PLA2G6: variants seen among roughly 807,000 people sequenced by gnomAD.
PLA2G6 encodes 85/88 kDa calcium-independent phospholipase A2.
Under a neutral mutation model 83.8 loss-of-function variants are expected in PLA2G6, and 62 were observed. The observed-to-expected ratio is 0.74, with a 90% CI of 0.60 to 0.91. The LOEUF is 0.91. PLA2G6 is among the 40% of genes least tolerant of loss of function. The pLI, the probability that PLA2G6 is intolerant of heterozygous loss-of-function variation, is 0.00. For synonymous variants in PLA2G6, 417 were observed against 449.8 expected, an observed-to-expected ratio of 0.93 and a Z score of 0.92; for missense variants, 944 against 1,102.0, an observed-to-expected ratio of 0.86 and a Z score of 2.03.
Position 38,123,362 on chromosome 22 carries a change from AGACCCAGACG to A in PLA2G6, c.1428-114_1428-105del. The A allele has an allele frequency of 8.0e-7, 1 of 1,251,430 alleles. No homozygotes were observed. The highest frequency in any genetic ancestry group is 1.1e-6 in the Non-Finnish European group (1 of 882,314). 77.5% of individuals were successfully genotyped at this position (1,251,430 alleles called of 1,614,324 possible). ...CCCCTGCAGCTGTGTCCTGGCAGAC[AGACCCAGACG>A]GACCCGAGGAACTTCTGTCCTATGC... On this transcript the variant is annotated intron_variant, in intron 10 of 16. Coordinates refer to ENST00000332509, the MANE Select transcript of PLA2G6 (RefSeq NM_003560.4). The surrounding 1 kb of genome is among the most constrained non-coding windows in gnomAD (Gnocchi z 4.1).
chr22:38,158,973 T>C (rs968686376), intron 2 of PLA2G6, among the ~76,000 whole-genome samples: 1 of 151,172 alleles, frequency 6.6e-6, no homozygotes, highest in African/African-American at 2.4e-5. Context: ...CCGAGGCGGG[T>C]GGATCATCTG....
chr22:38,146,035 G>T, intron 2 of PLA2G6: 1 of 244,560 alleles, frequency 4.1e-6, no homozygotes, highest in Non-Finnish European at 7.8e-6. Flanking sequence ...ACCATGCCCA[G>T]CTAATTTTTT....
chr22:38,126,941 C>A lies in PLA2G6; in HGVS notation c.1349-492G>T, dbSNP rs914748625. 6.5e-5 allele frequency: 64 copies of A among 983,266 alleles called. 1 individual carries two copies. The highest frequency in any genetic ancestry group is 7.7e-5 in the Non-Finnish European group (61 of 791,328). 60.9% of individuals were successfully genotyped at this position (983,266 alleles called of 1,614,324 possible). On this transcript the variant is annotated intron_variant, in intron 9 of 16. Coordinates refer to ENST00000332509, the MANE Select transcript of PLA2G6 (RefSeq NM_003560.4). ...TCAGGACGTTCCTCGGGGTTTAAGTCCATGGATGAAAGGAGACATCCCTCG... is the reference window on the plus strand; with the variant it reads ...TCAGGACGTTCCTCGGGGTTTAAGTACATGGATGAAAGGAGACATCCCTCG...
At chr22:38,162,226 A>G (rs1424570784) in intron 2 of PLA2G6, among the ~76,000 whole-genome samples, 1 of 151,500 alleles carries the variant, frequency 6.6e-6, no homozygotes, top group African/African-American at 2.4e-5. Context: ...AAAAAAAGAA[A>G]AAAAAAAAAA....
chr22:38,124,063 G>C (rs192527769), intron 10 of PLA2G6, among the ~76,000 whole-genome samples: 10 of 152,152 alleles, frequency 6.6e-5, no homozygotes, highest in Admixed American at 6.5e-4. Context: ...TTGAACTCCC[G>C]ACCTCATGTG....
At position 38,181,711 on chromosome 22, in the gene PLA2G6, A is replaced by T. The variant is rs1396702387; in HGVS notation, c.-93T>A. 6.6e-6 allele frequency: 1 copy of T among 152,208 alleles called. No individual in the cohort carries two copies. The highest frequency in any genetic ancestry group is 1.9e-4 in the East Asian group (1 of 5,198). The allele number at this position is 152,208 out of a possible 1,614,324, so 9.4% of individuals were successfully genotyped here. A position where few individuals can be genotyped will look rare whatever the true frequency, so the allele number is the denominator to read the frequency against. ...ATATCCAAAGGAGGGTCCGGCGGAGACTTGGGAGTCCGGAGCGCCGAGGAA... is the reference window on the plus strand; with the variant it reads ...ATATCCAAAGGAGGGTCCGGCGGAGTCTTGGGAGTCCGGAGCGCCGAGGAA... On this transcript the variant is annotated 5_prime_UTR_variant, in exon 1 of 17. Transcript: ENST00000332509.
intron 1 of PLA2G6, among the ~76,000 whole-genome samples, chr22:38,173,072 C>T (rs1470687467): frequency 6.6e-6 from 1 of 152,198 alleles, no homozygotes; most frequent in Non-Finnish European, 1.5e-5. Context: ...TCCTGGAACA[C>T]TCACGGCATT....
chr22:38,143,150 G>A lies in PLA2G6; in HGVS notation c.564C>T (p.Thr188=), dbSNP rs185396488. 1.3e-4 allele frequency: 214 copies of A among 1,614,162 alleles called. No individual in the cohort carries two copies. In the Middle Eastern group the frequency reaches 1.8e-3, roughly 14 times the overall value. Residue 188 remains threonine (T), a synonymous_variant, in exon 4 of 17, where the codon ACC becomes ACT. Coordinates refer to ENST00000332509, the MANE Select transcript of PLA2G6 (RefSeq NM_003560.4). ...QMDVTDYKGE[T]VFHYAVQGDN... ...CACCCTGGACAGCATAATGGAAGAC[G>A]GTCTCTCCCTTGTAGTCGGTGACAT...
rs2086904213 is a variant in PLA2G6, at chr22:38,112,219, T to A, written c.2363A>T (p.Tyr788Phe). 24 of 1,611,524 alleles carry A rather than the reference T, an allele frequency of 1.5e-5. No individual in the cohort carries two copies. The highest frequency in any genetic ancestry group is 2.0e-5 in the Non-Finnish European group (24 of 1,179,058). ...LVNALWETEVYIYEHREEFQK... is the reference protein window; with the variant it reads ...LVNALWETEVFIYEHREEFQK... ...GAACTCCTCGCGGTGCTCATAGATG[T>A]AGACCTCGGTCTCCCAGAGGGCGTT... Residue 788 changes from tyrosine (Y) to phenylalanine (F), a missense_variant, in exon 17 of 17, where the codon TAC becomes TTC. Transcript: ENST00000332509.
intron 2 of PLA2G6, among the ~76,000 whole-genome samples, chr22:38,157,164 T>A (rs1014751497): frequency 1.3e-5 from 2 of 151,070 alleles, no homozygotes; most frequent in Non-Finnish European, 3.0e-5. Context: ...ATACAAAAGA[T>A]CAACAAAATA....
chr22:38,140,131 C>T lies in PLA2G6; in HGVS notation c.648G>A (p.Val216=). The part of the protein sequence containing the change: ...GRNAVAGLNQ[V]NNQGLTPLHL... ...GCAGCGGGGTCAGCCCTTGGTTATT[C>T]ACCTGGTTCAGGCCAGCCACTGCGT... is the stretch of plus-strand genomic sequence containing the variant. The change falls in exon 5 of 17, where the codon GTG becomes GTA. Residue 216 remains valine, a synonymous_variant. Transcript: ENST00000332509. 1 of 1,614,148 alleles carries T rather than the reference C, an allele frequency of 6.2e-7. No homozygotes were observed. Among genetic ancestry groups the T allele is most frequent in the East Asian group, 2.2e-5 (1 of 44,892 alleles).
rs1001166930 is a variant in PLA2G6 at position 38,128,020 on chromosome 22, C to T, written c.1348+249G>A. The T allele has an allele frequency of 2.8e-5, 15 of 543,960 alleles. No homozygotes were observed. The highest frequency in any genetic ancestry group is 4.0e-5 in the Non-Finnish European group (12 of 303,258). The allele number at this position is 543,960 out of a possible 1,614,324, so 33.7% of individuals were successfully genotyped here. On this transcript the variant is annotated intron_variant, in intron 9 of 16. Transcript: ENST00000332509. The surrounding 1 kb of genome is among the most constrained non-coding windows in gnomAD (Gnocchi z 4.4). ...CCTCATGGGTGCCACTGGAAATGCCCAGGCCTGAGACTGTGTGCAGGACAC... is the reference window on the plus strand; with the variant it reads ...CCTCATGGGTGCCACTGGAAATGCCTAGGCCTGAGACTGTGTGCAGGACAC...
chr22:38,166,060 T>C (rs955683819), intron 2 of PLA2G6, among the ~76,000 whole-genome samples: 1 of 152,130 alleles, frequency 6.6e-6, no homozygotes, highest in Non-Finnish European at 1.5e-5. Context: ...GACTGTGGTC[T>C]GGAGAAGCGA....
chr22:38,170,165 T>C (rs1400585535), intron 1 of PLA2G6, among the ~76,000 whole-genome samples: 3 of 140,070 alleles, frequency 2.1e-5, no homozygotes, highest in African/African-American at 8.2e-5. Context: ...GCCACTGCAC[T>C]CCAGCCTGGG....
intron 12 of PLA2G6, among the ~76,000 whole-genome samples, chr22:38,118,073 A>G (rs1253218971): frequency 6.6e-6 from 1 of 152,180 alleles, no homozygotes; most frequent in Non-Finnish European, 1.5e-5. Flanking sequence ...CCAGTCACAA[A>G]AAGACAAATA....
chr22:38,130,167 T>C (rs1451048427), intron 7 of PLA2G6: 1 of 183,896 alleles, frequency 5.4e-6, no homozygotes, highest in Non-Finnish European at 1.2e-5. Flanking sequence ...CACCTTCCTC[T>C]TCTTGGGACC....
chr22:38,171,121 G>A (rs1180559393), intron 1 of PLA2G6, among the ~76,000 whole-genome samples: 2 of 148,920 alleles, frequency 1.3e-5, no homozygotes, highest in Non-Finnish European at 3.0e-5. Context: ...GCGGTGAGCT[G>A]AGATGGCGCC....
intron 2 of PLA2G6, among the ~76,000 whole-genome samples, chr22:38,159,335 T>A (rs2089917102): frequency 6.6e-6 from 1 of 152,202 alleles, no homozygotes; most frequent in Non-Finnish European, 1.5e-5. Flanking sequence ...CTCATAGTCC[T>A]ATATTTGTTA....
At chr22:38,168,587 C>T (rs1048745590) in intron 2 of PLA2G6, among the ~76,000 whole-genome samples, 20 of 152,166 alleles carry the variant, frequency 1.3e-4, no homozygotes, top group African/African-American at 3.9e-4. Context: ...CAGTGGCTCA[C>T]GCCTGCAATC....
Sources: gnomAD v4.1 joint callset for allele counts (sites outside exome capture counted in the v4.1 genomes callset) on GRCh38, gnomAD v4.1.1 for gene constraint, Gnocchi (gnomAD v3.1) non-coding constraint, MANE v1.5 for transcripts, NCBI Gene and HGNC (gene_info 2026-07-23, HGNC 2026-07-21) for gene names.